The following CRYZL1 variants were observed in gnomAD, a reference collection of about 807,000 sequenced individuals.
CRYZL1 encodes crystallin zeta like 1.
In CRYZL1, 34 loss-of-function variants were observed where a neutral mutation model predicts 50.6. The observed-to-expected ratio is 0.67, with a 90% CI of 0.51 to 0.89. The LOEUF (loss-of-function observed/expected upper bound fraction) is 0.89. CRYZL1 is among the 40% of genes least tolerant of loss of function. The pLI is 0.00. For synonymous variants in CRYZL1, 125 were observed against 134.3 expected, an observed-to-expected ratio of 0.93 and a Z score of 0.48; for missense variants, 354 against 402.3, an observed-to-expected ratio of 0.88 and a Z score of 1.03.
intron 1 of CRYZL1, chr21:33,640,046 G>A (rs1601356636): frequency 4.4e-6 from 5 of 1,144,694 alleles, no homozygotes; most frequent in South Asian, 3.0e-5. Context: ...GGCTGGTCTC[G>A]AACTCCTGGC....
intron 11 of CRYZL1, 35 bp from the exon 12 acceptor site, chr21:33,591,242 G>A (rs770059843): frequency 8.0e-5 from 125 of 1,567,692 alleles, no homozygotes; most frequent in Admixed American, 2.5e-4. Flanking sequence ...GCAATGTAAA[G>A]GAGAATTAAA....
intron 2 of CRYZL1, among the ~76,000 whole-genome samples, chr21:33,626,846 A>G (rs1197178533): frequency 6.6e-6 from 1 of 152,162 alleles, no homozygotes; most frequent in Non-Finnish European, 1.5e-5. Flanking sequence ...AGTCTCCTCT[A>G]CCCAATATGC....
chr21:33,629,428 A>AT (rs368922348), intron 2 of CRYZL1, among the ~76,000 whole-genome samples: 30 of 152,102 alleles, frequency 2.0e-4, no homozygotes, highest in African/African-American at 6.7e-4. Flanking sequence ...CACCCGGCTA[A>AT]TTTTTTGTAT....
chr21:33,628,609 T>G (rs926330688), intron 2 of CRYZL1, among the ~76,000 whole-genome samples: 1 of 150,310 alleles, frequency 6.7e-6, no homozygotes, highest in African/African-American at 2.4e-5. Context: ...CTTTCTTTTT[T>G]TTTTTTTTTT....
chr21:33,601,815 GC>G (rs1251852720), intron 8 of CRYZL1, among the ~76,000 whole-genome samples: 5 of 151,710 alleles, frequency 3.3e-5, no homozygotes, highest in Admixed American at 1.3e-4. Flanking sequence ...TACTCAGGTG[GC>G]TGAGGTGGGA....
chr21:33,600,687 G>A (rs146785826), intron 8 of CRYZL1, among the ~76,000 whole-genome samples: 1,542 of 149,944 alleles, frequency 0.01, 10 homozygotes, highest in South Asian at 0.023. Flanking sequence ...GTGCAGTGGC[G>A]CGATCTCGGC....
chr21:33,636,864 T>G (rs1457568690), intron 1 of CRYZL1, among the ~76,000 whole-genome samples: 1 of 152,172 alleles, frequency 6.6e-6, no homozygotes, highest in Non-Finnish European at 1.5e-5. Context: ...TAGAGTGCAG[T>G]GGCGCGATGT....
intron 2 of CRYZL1, among the ~76,000 whole-genome samples, chr21:33,625,031 G>C (rs1011023848): frequency 6.6e-6 from 1 of 152,054 alleles, no homozygotes; most frequent in East Asian, 1.9e-4. Context: ...AATAAAGTTA[G>C]GATAACAAAG....
intron 1 of CRYZL1, chr21:33,641,177 AC>A (rs1175207037): frequency 6.4e-7 from 1 of 1,550,488 alleles, no homozygotes; most frequent in South Asian, 1.2e-5. Flanking sequence ...GGCGATGCTT[AC>A]ATCTCGCTCC....
chr21:33,621,470 T>C (rs1308646599), intron 4 of CRYZL1, among the ~76,000 whole-genome samples: 2 of 151,492 alleles, frequency 1.3e-5, no homozygotes, highest in South Asian at 2.1e-4. Flanking sequence ...GCCTCCCGAG[T>C]AGCTGAGACT....
Position 33,596,491 on chromosome 21 carries a change from A to G in CRYZL1, c.799-655T>C, listed in dbSNP as rs2086694159. On this transcript the variant is annotated intron_variant, in intron 10 of 12. Transcript: ENST00000381554. ...TGTCTCTACTAAATATACAAAAATT[A>G]ACTGGGCGTGGTGGCGGGCGCCTGT... Among the ~76,000 whole-genome samples the G allele has an allele frequency of 2.6e-5, 4 of 152,142 alleles. No homozygotes were observed. In the South Asian group the frequency reaches 8.3e-4, roughly 32 times the overall value.
intron 8 of CRYZL1, among the ~76,000 whole-genome samples, chr21:33,599,789 G>A (rs1254851977): frequency 1.3e-5 from 2 of 151,868 alleles, no homozygotes. Flanking sequence ...ATGCCACCAC[G>A]CATGGCTATT....
At chr21:33,626,059 T>C (rs998623456) in intron 2 of CRYZL1, among the ~76,000 whole-genome samples, 2 of 152,036 alleles carry the variant, frequency 1.3e-5, no homozygotes, top group Non-Finnish European at 2.9e-5. Context: ...GTTCAAGTGA[T>C]TCTCCTGCCT....
Position 33,614,592 on chromosome 21 carries a change from GAC to G in CRYZL1, c.263-988_263-987del, listed in dbSNP as rs967846807. Among the ~76,000 whole-genome samples the G allele has an allele frequency of 2.5e-3, 375 of 152,010 alleles. 1 individual carries two copies. Among genetic ancestry groups the G allele is most frequent in the African/African-American group, 8.0e-3 (331 of 41,480 alleles). ...GTATGTTTCAATTCTTTTTTTTTGAGACAGAGTCTCGCTCTGTTGCCTAGGCT... is the reference window on the plus strand; with the variant it reads ...GTATGTTTCAATTCTTTTTTTTTGAGAGAGTCTCGCTCTGTTGCCTAGGCT... On this transcript the variant is annotated intron_variant, in intron 5 of 12. Transcript: ENST00000381554.
intron 12 of CRYZL1, among the ~76,000 whole-genome samples, chr21:33,590,382 T>G (rs1348264774): frequency 6.6e-6 from 1 of 152,120 alleles, no homozygotes; most frequent in Non-Finnish European, 1.5e-5. Flanking sequence ...TTAAAAGTGG[T>G]TAAGTTTTGA....
intron 1 of CRYZL1, among the ~76,000 whole-genome samples, chr21:33,635,425 A>G (rs930397287): frequency 7.3e-6 from 1 of 136,690 alleles, no homozygotes; most frequent in Non-Finnish European, 1.5e-5. Context: ...ATCTCAGCTC[A>G]CTGCAAGCTC....
intron 4 of CRYZL1, among the ~76,000 whole-genome samples, chr21:33,620,684 C>T (rs545977468): frequency 4.7e-4 from 71 of 151,814 alleles, no homozygotes; most frequent in African/African-American, 1.7e-3. Flanking sequence ...TGGTGATGAG[C>T]GCCTGTAGCC....
intron 1 of CRYZL1, among the ~76,000 whole-genome samples, chr21:33,636,237 CAATA>C (rs1462745012): frequency 1.3e-5 from 2 of 151,906 alleles, no homozygotes; most frequent in Non-Finnish European, 2.9e-5. Context: ...TCTTAAAATA[CAATA>C]AATAAATAAA....
intron 2 of CRYZL1, among the ~76,000 whole-genome samples, chr21:33,630,687 T>C (rs2087127375): frequency 1.3e-5 from 2 of 152,160 alleles, no homozygotes; most frequent in Non-Finnish European, 2.9e-5. Context: ...AAGTGATATC[T>C]GTACCTCCAT....
Sources: allele counts gnomAD v4.1 joint callset (sites outside exome capture counted in the v4.1 genomes callset), GRCh38; gene constraint gnomAD v4.1.1; transcripts MANE v1.5; gene names NCBI Gene and HGNC (gene_info 2026-07-23, HGNC 2026-07-21).